The following ASXL2 variants were observed in gnomAD, a reference collection of about 807,000 sequenced individuals.
ASXL2 encodes the protein ASXL transcriptional regulator 2.
Under a neutral mutation model 122.0 loss-of-function variants are expected in ASXL2, and 23 were observed. The ratio of observed to expected loss-of-function variants is 0.19; its 90% CI spans 0.14 to 0.27. The LOEUF is 0.27. ASXL2 is among the 10% of genes least tolerant of loss of function. The pLI, the probability that ASXL2 is intolerant of heterozygous loss-of-function variation, is 1.00. For missense variants in ASXL2, 1,518 were observed against 1,713.8 expected (o/e 0.89, Z 2.02); for synonymous variants, 650 against 637.0 (o/e 1.02, Z -0.31).
chr2:25,843,814 T>TAAAAAAAAAAAAAAAAAAAAA (rs541446675), intron 2 of ASXL2, among the ~76,000 whole-genome samples: 2 of 86,542 alleles, frequency 2.3e-5, no homozygotes, highest in African/African-American at 4.7e-5. Flanking sequence ...CTCCATCTCT[T>TAAAAAAAAAAAAAAAAAAAAA]AAAAAAAAAA....
intron 3 of ASXL2, among the ~76,000 whole-genome samples, chr2:25,808,041 G>C (rs1407000967): frequency 3.5e-5 from 4 of 115,868 alleles, no homozygotes; most frequent in Admixed American, 1.6e-4. Flanking sequence ...CCAAAGAACA[G>C]ATACATGACT....
chr2:25,774,688 G>A (rs1299637424), intron 5 of ASXL2, among the ~76,000 whole-genome samples: 2 of 152,154 alleles, frequency 1.3e-5, no homozygotes, highest in Non-Finnish European at 2.9e-5. Context: ...AAATGCATTG[G>A]TAACACATAA....
chr2:25,796,258 T>C (rs144025767), intron 5 of ASXL2, among the ~76,000 whole-genome samples: 1,655 of 152,288 alleles, frequency 0.011, 18 homozygotes, highest in Non-Finnish European at 0.015. Flanking sequence ...TATTCCAACA[T>C]AACCTGAGCT....
At chr2:25,766,262 A>G (rs1032920748) in intron 8 of ASXL2, among the ~76,000 whole-genome samples, 3 of 152,028 alleles carry the variant, frequency 2.0e-5, no homozygotes, top group Non-Finnish European at 4.4e-5. Context: ...ATGCCTTGGC[A>G]TAGGTTTCTT....
intron 12 of ASXL2, among the ~76,000 whole-genome samples, chr2:25,748,800 TG>T (rs2087985827): frequency 6.6e-6 from 1 of 152,204 alleles, no homozygotes; most frequent in South Asian, 2.1e-4. Flanking sequence ...AAAATGTGTT[TG>T]GGTTTTAAAA....
At chr2:25,803,644 G>C (rs2149173105) in intron 4 of ASXL2, among the ~76,000 whole-genome samples, 1 of 152,310 alleles carries the variant, frequency 6.6e-6, no homozygotes, top group South Asian at 2.1e-4. Context: ...AGATGAAACT[G>C]TTCCACCTCA....
intron 3 of ASXL2, among the ~76,000 whole-genome samples, chr2:25,825,487 G>A (rs1481410505): frequency 1.3e-5 from 2 of 152,070 alleles, no homozygotes; most frequent in Non-Finnish European, 1.5e-5. Flanking sequence ...CATTCTCTTT[G>A]TCTCTATGAA....
chr2:25,864,105 G>T (rs780839391), intron 1 of ASXL2, among the ~76,000 whole-genome samples: 6 of 152,058 alleles, frequency 3.9e-5, no homozygotes, highest in Non-Finnish European at 7.3e-5. Flanking sequence ...CAACAAAACA[G>T]GTATGTCCAG....
intron 10 of ASXL2, among the ~76,000 whole-genome samples, chr2:25,754,676 T>C (rs1410918336): frequency 1.4e-5 from 2 of 138,300 alleles, no homozygotes; most frequent in Non-Finnish European, 3.2e-5. Flanking sequence ...CTTGCTTGCA[T>C]GTTAAAAAAA....
chr2:25,767,743 CGTATAAAGA>C lies in ASXL2; in HGVS notation c.632-26_632-18del. The C allele has an allele frequency of 6.2e-7, 1 of 1,612,802 alleles. No homozygotes were observed. Among genetic ancestry groups the C allele is most frequent in the Non-Finnish European group, 8.5e-7 (1 of 1,179,184 alleles). ...CCCATGTTGCTAGGAGAAAAAAATA[CGTATAAAGA>C]CTGGTAGCACTGAGATTATAGACAG... is the stretch of plus-strand genomic sequence containing the variant. On this transcript the variant is annotated intron_variant, in intron 7 of 12. Transcript: ENST00000435504.
intron 1 of ASXL2, among the ~76,000 whole-genome samples, chr2:25,846,433 A>G (rs2089650132): frequency 6.6e-6 from 1 of 152,100 alleles, no homozygotes; most frequent in African/African-American, 2.4e-5. Context: ...ATGACTCTTG[A>G]GGTCAGGAGT....
Position 25,746,473 on chromosome 2 carries a change from A to G in ASXL2, c.1861-1997T>C, listed in dbSNP as rs185723152. ...AAGAAGCAGTTATTGTCCCTTATTT[A>G]TATCATATGAAAGAAACTGCAGGGG... On this transcript the variant is annotated intron_variant, in intron 12 of 12. Transcript: ENST00000435504. Among the ~76,000 whole-genome samples, 566 of 150,992 alleles carry G rather than the reference A, an allele frequency of 3.7e-3. 12 individuals are homozygous for G. The highest frequency in any genetic ancestry group is 1.6e-3 in the Non-Finnish European group (111 of 67,808).
intron 1 of ASXL2, among the ~76,000 whole-genome samples, chr2:25,854,794 T>G (rs985143732): frequency 8.5e-5 from 13 of 152,258 alleles, no homozygotes; most frequent in African/African-American, 3.1e-4. Flanking sequence ...AAGGAGATGA[T>G]GAATATTAAT....
At chr2:25,815,863 G>T (rs539683159) in intron 3 of ASXL2, among the ~76,000 whole-genome samples, 2 of 152,200 alleles carry the variant, frequency 1.3e-5, no homozygotes, top group East Asian at 3.9e-4. Flanking sequence ...TATCTTAATA[G>T]ATACAAAGCA....
intron 1 of ASXL2, among the ~76,000 whole-genome samples, chr2:25,873,040 C>T (rs1281940893): frequency 6.6e-6 from 1 of 152,020 alleles, no homozygotes; most frequent in Admixed American, 6.6e-5. Flanking sequence ...ACCCATCACC[C>T]GAGCGGTGTA....
At chr2:25,772,777 A>C (rs1406096068) in intron 5 of ASXL2, among the ~76,000 whole-genome samples, 27 of 148,020 alleles carry the variant, frequency 1.8e-4, no homozygotes, top group Admixed American at 1.8e-3. Flanking sequence ...TTCTGTAGCT[A>C]GCTACCGGAC....
Position 25,734,808 on chromosome 2 carries a change from A to C in ASXL2, c.*7221T>G, listed in dbSNP as rs1490664929. On this transcript the variant is annotated 3_prime_UTR_variant, in exon 13 of 13. Coordinates refer to ENST00000435504, the MANE Select transcript of ASXL2 (RefSeq NM_018263.6). ...AGAAAACTATTCCTTATCCCACAGA[A>C]TGTCTCAAATCAAACTCCAGGTTAC... 6.6e-6 allele frequency: 1 copy of C among 152,192 alleles called. No individual in the cohort carries two copies. The highest frequency in any genetic ancestry group is 1.5e-5 in the Non-Finnish European group (1 of 68,024). 9.4% of individuals were successfully genotyped at this position (152,192 alleles called of 1,614,324 possible).
At chr2:25,847,324 T>C (rs541352504) in intron 1 of ASXL2, among the ~76,000 whole-genome samples, 3 of 152,328 alleles carry the variant, frequency 2.0e-5, no homozygotes, top group African/African-American at 4.8e-5. Context: ...TAGACTCTTC[T>C]TTTTCCCCAA....
chr2:25,842,686 G>A (rs2089598544), intron 2 of ASXL2, among the ~76,000 whole-genome samples: 1 of 133,330 alleles, frequency 7.5e-6, no homozygotes, highest in Non-Finnish European at 1.7e-5. Context: ...AATTCTTCAA[G>A]TGTGTGTATA....
Sources: allele counts gnomAD v4.1 joint callset (sites outside exome capture counted in the v4.1 genomes callset), GRCh38; gene constraint gnomAD v4.1.1; transcripts MANE v1.5; gene names NCBI Gene and HGNC (gene_info 2026-07-23, HGNC 2026-07-21).